The following SERPINB5 variants were observed in gnomAD, a reference collection of about 807,000 sequenced individuals.
The protein encoded by SERPINB5 is serpin B5.
A neutral mutation model predicts 32.2 loss-of-function variants in SERPINB5; 27 were observed. That is an observed-to-expected ratio of 0.84 (90% CI 0.62 to 1.16). The LOEUF is 1.16. Among genes scored for constraint, SERPINB5 ranks in the 50% most tolerant of loss-of-function variants. The probability of loss-of-function intolerance (pLI) is 0.00; values close to 1 mark genes in which losing one functional copy is unlikely to be tolerated. For synonymous variants in SERPINB5, 154 were observed against 157.4 expected (o/e 0.98, Z 0.16); for missense variants, 388 against 436.3 (o/e 0.89, Z 0.99).
At chr18:63,503,257 T>C (rs1213683527) in intron 6 of SERPINB5, 73 bp from the exon 7 acceptor site, 12 of 1,478,486 alleles carry the variant, frequency 8.1e-6, no homozygotes, top group Non-Finnish European at 1.1e-5. Flanking sequence ...TAACACCTTA[T>C]GTTTTCAATT....
chr18:63,497,306 A>AG (rs1909468039), intron 5 of SERPINB5: 1 of 1,271,880 alleles, frequency 7.9e-7, no homozygotes, highest in Admixed American at 1.7e-5. Context: ...CTCAAGCAGC[A>AG]GCTCTTCTCC....
chr18:63,489,710 C>G (rs1184920998), intron 4 of SERPINB5, among the ~76,000 whole-genome samples: 6 of 152,150 alleles, frequency 3.9e-5, no homozygotes, highest in Non-Finnish European at 8.8e-5. Context: ...TGCTCTCTGA[C>G]GAGCTGTCAC....
At chr18:63,489,508 A>G in intron 4 of SERPINB5, 44 bp downstream of exon 4, 1 of 1,074,332 alleles carries the variant, frequency 9.3e-7, no homozygotes, top group Non-Finnish European at 1.4e-6. Context: ...CCAAGTAAAC[A>G]GGGCCTTCCA....
intron 6 of SERPINB5, among the ~76,000 whole-genome samples, chr18:63,500,387 T>A (rs1189429008): frequency 6.6e-6 from 1 of 152,192 alleles, no homozygotes; most frequent in East Asian, 1.9e-4. Context: ...TACGGTTCAC[T>A]CTTTGTGTTG....
Position 63,503,723 on chromosome 18 carries a change from G to C in SERPINB5, c.*1G>C. On this transcript the variant is annotated 3_prime_UTR_variant, in exon 7 of 7. Transcript: ENST00000382771. Reference sequence around the variant, plus strand: ...CTTTGGCAAATTCTGTTCTCCTTAAGTGGCATAGCCCATGTTAAGTCCTCC... The same window carrying C: ...CTTTGGCAAATTCTGTTCTCCTTAACTGGCATAGCCCATGTTAAGTCCTCC... The C allele has an allele frequency of 2.5e-6, 4 of 1,614,046 alleles. No individual in the cohort carries two copies. The highest frequency in any genetic ancestry group is 3.4e-6 in the Non-Finnish European group (4 of 1,179,984).
chr18:63,491,412 A>C (rs1909334397), intron 4 of SERPINB5, among the ~76,000 whole-genome samples: 1 of 149,282 alleles, frequency 6.7e-6, no homozygotes, highest in African/African-American at 2.5e-5. Context: ...CCCAAAAAAA[A>C]AAAAAAAAAA....
rs1909622186 is a variant in SERPINB5 at position 63,503,795 on chromosome 18, A to G, written c.*73A>G. On this transcript the variant is annotated 3_prime_UTR_variant, in exon 7 of 7. Coordinates refer to ENST00000382771, the MANE Select transcript of SERPINB5 (RefSeq NM_002639.5). The stretch of plus-strand genomic sequence containing the variant: ...ATTTCTGTAAACTCTGCATCCAGAG[A>G]TTCATTTTCTAGATACAATAAATTG... The G allele has an allele frequency of 3.4e-6, 5 of 1,457,994 alleles. No homozygotes were observed. Among genetic ancestry groups the G allele is most frequent in the Admixed American group, 3.9e-5 (2 of 50,806 alleles). The allele number at this position is 1,457,994 out of a possible 1,614,324, so 90.3% of individuals were successfully genotyped here.
intron 1 of SERPINB5, among the ~76,000 whole-genome samples, chr18:63,478,966 G>A (rs1375205528): frequency 6.6e-6 from 1 of 151,988 alleles, no homozygotes; most frequent in Non-Finnish European, 1.5e-5. Flanking sequence ...CACCATGTTG[G>A]CCAGGCTGGT....
At chr18:63,497,060 T>C in intron 5 of SERPINB5, 1 of 573,612 alleles carries the variant, frequency 1.7e-6, no homozygotes, top group South Asian at 1.4e-5. Flanking sequence ...TAATCCGGCC[T>C]GTGTCTGCCT....
At chr18:63,486,675 G>T in intron 2 of SERPINB5, 1 of 317,760 alleles carries the variant, frequency 3.1e-6, no homozygotes. Flanking sequence ...AATGTCTGGA[G>T]ACATTCTGGG....
At chr18:63,496,497 G>C (rs1450246386) in intron 5 of SERPINB5, among the ~76,000 whole-genome samples, 2 of 152,132 alleles carry the variant, frequency 1.3e-5, no homozygotes, top group African/African-American at 4.8e-5. Context: ...TTCTAGTTGG[G>C]GTGGGAAGTG....
Position 63,493,003 on chromosome 18 carries a change from A to G in SERPINB5, c.475A>G (p.Ile159Val). 1 of 1,614,222 alleles carries G rather than the reference A, an allele frequency of 6.2e-7. No individual in the cohort carries two copies. Among genetic ancestry groups the G allele is most frequent in the Non-Finnish European group, 8.5e-7 (1 of 1,180,040 alleles). ...ADNSVNDQTK[I>V]LVVNAAYFVG... ...CAACAGTGTGAACGACCAGACCAAAATCCTTGTGGTTAATGCTGCCTACTT... is the reference window on the plus strand; with the variant it reads ...CAACAGTGTGAACGACCAGACCAAAGTCCTTGTGGTTAATGCTGCCTACTT... The change falls in exon 5 of 7, where the codon ATC becomes GTC. Residue 159 changes from isoleucine (I) to valine (V), a missense_variant. By Grantham distance (29) the Ile-to-Val change is conservative (BLOSUM62 3). Transcript: ENST00000382771.
intron 1 of SERPINB5, 24 bp from the exon 2 acceptor site, chr18:63,484,398 C>T: frequency 6.3e-7 from 1 of 1,592,284 alleles, no homozygotes; most frequent in South Asian, 1.1e-5. Context: ...TAGAAACTAA[C>T]TGCTCCCTTG....
At chr18:63,480,709 T>A (rs1917113693) in intron 1 of SERPINB5, among the ~76,000 whole-genome samples, 1 of 152,244 alleles carries the variant, frequency 6.6e-6, no homozygotes, top group Admixed American at 6.5e-5. Flanking sequence ...TCAGACCAGA[T>A]CAACTTTATA....
rs1391892617 is a variant in SERPINB5, at chr18:63,484,562, G to A, written c.134G>A (p.Gly45Asp). 1 of 1,613,670 alleles carries A rather than the reference G, an allele frequency of 6.2e-7. No individual in the cohort carries two copies. Among genetic ancestry groups the A allele is most frequent in the Non-Finnish European group, 8.5e-7 (1 of 1,179,892 alleles). ...LSTSLSLAQV[G>D]AKGDTANEIG... The stretch of plus-strand genomic sequence containing the variant: ...ACCTCTCTGTCACTTGCTCAAGTGG[G>A]TGCTAAAGGTGACACTGCAAATGAA... The change falls in exon 2 of 7, where the codon GGT becomes GAT. Residue 45 changes from glycine (G) to aspartate (D), a missense_variant. Gly to Asp is a moderately conservative substitution (Grantham distance 94). Transcript: ENST00000382771.
Position 63,483,344 on chromosome 18 carries a change from C to T in SERPINB5, c.-7-1078C>T, listed in dbSNP as rs188754011. Among the ~76,000 whole-genome samples, 43 of 152,380 alleles carry T rather than the reference C, an allele frequency of 2.8e-4. No individual in the cohort carries two copies. The East Asian group carries it at 7.7e-3, about 27-fold the overall frequency. ...AGGAGGTCCACTGATCCTTGTAACA[C>T]TCTGGGTAGTGTCTTACACACAGAT... On this transcript the variant is annotated intron_variant, in intron 1 of 6. Transcript: ENST00000382771.
At chr18:63,486,443 G>A (rs1917215437) in intron 2 of SERPINB5, among the ~76,000 whole-genome samples, 1 of 152,244 alleles carries the variant, frequency 6.6e-6, no homozygotes, top group South Asian at 2.1e-4. Flanking sequence ...TGATGATGGT[G>A]TCTCTTGTAT....
chr18:63,489,693 T>G (rs2144499551), intron 4 of SERPINB5, among the ~76,000 whole-genome samples: 1 of 152,330 alleles, frequency 6.6e-6, no homozygotes, highest in South Asian at 2.1e-4. Flanking sequence ...GTTAGTTTAC[T>G]TTGTCTTGCT....
chr18:63,500,486 G>GTATTT (rs1473392885), intron 6 of SERPINB5, among the ~76,000 whole-genome samples: 1 of 151,972 alleles, frequency 6.6e-6, no homozygotes, highest in Non-Finnish European at 1.5e-5. Flanking sequence ...TTATATATAA[G>GTATTT]TATTTTATTT....
Sources: allele counts gnomAD v4.1 joint callset (sites outside exome capture counted in the v4.1 genomes callset), GRCh38; gene constraint gnomAD v4.1.1; transcripts MANE v1.5; gene names NCBI Gene and HGNC (gene_info 2026-07-23, HGNC 2026-07-21).